The following SCO1 variants were observed in gnomAD, a reference collection of about 807,000 sequenced individuals.
SCO1 encodes the protein synthesis of cytochrome C oxidase 1.
SCO1 carries 23 observed loss-of-function variants against 34.0 expected under a neutral mutation model. The ratio of observed to expected loss-of-function variants is 0.68; its 90% CI spans 0.49 to 0.96. The LOEUF is 0.96. SCO1 is among the 40% of genes least tolerant of loss of function. SCO1 has a pLI of 0.00. For synonymous variants in SCO1, 161 were observed against 145.5 expected, an observed-to-expected ratio of 1.11 and a Z score of -0.77; for missense variants, 404 against 381.6, an observed-to-expected ratio of 1.06 and a Z score of -0.49.
chr17:10,679,525 T>C lies in SCO1; in HGVS notation c.*1594A>G, dbSNP rs924857905. On this transcript the variant is annotated 3_prime_UTR_variant, in exon 6 of 6. Coordinates refer to ENST00000255390, the MANE Select transcript of SCO1 (RefSeq NM_004589.4). ...CATGTGCGTGTAGAAACATATCATG[T>C]AAAAAGAATCTGTTGTCTATCTAGG... 7 of 152,224 alleles carry C rather than the reference T, an allele frequency of 4.6e-5. No individual in the cohort carries two copies. Among genetic ancestry groups the C allele is most frequent in the African/African-American group, 1.7e-4 (7 of 41,452 alleles). The allele number at this position is 152,224 out of a possible 1,614,324, so 9.4% of individuals were successfully genotyped here. A position where few individuals can be genotyped will look rare whatever the true frequency, so the allele number is the denominator to read the frequency against.
chr17:10,692,148 A>T (rs960538087), intron 3 of SCO1, among the ~76,000 whole-genome samples, 184 bp from the exon 4 acceptor site: 1 of 152,194 alleles, frequency 6.6e-6, no homozygotes. Flanking sequence ...GGCCTTTAGG[A>T]GGAGGAGACC....
At position 10,696,071 on chromosome 17, in the gene SCO1, T is replaced by TAAAAAAA. The variant is rs869243005; in HGVS notation, c.274-247_274-241dup. On this transcript the variant is annotated intron_variant, in intron 1 of 5. Transcript: ENST00000255390. ...CCTAAGTCAGTTCTCTTCATGTAAATAAAAAAAAAAAAAAAAAAAAAAAAA... is the reference window on the plus strand; with the variant it reads ...CCTAAGTCAGTTCTCTTCATGTAAATAAAAAAAAAAAAAAAAAAAAAAAAAAAAAAAA... Among the ~76,000 whole-genome samples, 35 of 73,024 alleles carry TAAAAAAA rather than the reference T, an allele frequency of 4.8e-4. 6 individuals carry two copies. Among genetic ancestry groups the TAAAAAAA allele is most frequent in the African/African-American group, 1.3e-3 (24 of 18,458 alleles). 47.9% of individuals were successfully genotyped at this position (73,024 alleles called of 152,430 possible).
At chr17:10,696,821 C>T (rs2520171) in intron 1 of SCO1, among the ~76,000 whole-genome samples, 6,779 of 152,198 alleles carry the variant, frequency 0.045, 502 homozygotes, top group African/African-American at 0.15. Context: ...TAACTAAGTT[C>T]CACTTTTTGT....
intron 2 of SCO1, among the ~76,000 whole-genome samples, chr17:10,694,572 A>G (rs1467022399): frequency 1.3e-5 from 2 of 152,226 alleles, no homozygotes; most frequent in African/African-American, 2.4e-5. Context: ...TAGGAAATAC[A>G]CCAAAAAGTG....
At chr17:10,687,220 A>G (rs2074662266) in intron 4 of SCO1, among the ~76,000 whole-genome samples, 1 of 152,196 alleles carries the variant, frequency 6.6e-6, no homozygotes, top group Non-Finnish European at 1.5e-5. Context: ...TGGGGAAAAA[A>G]ATTTGCTTCA....
In SCO1 at chr17:10,677,751, A is replaced by T. The variant is rs1336780703; in HGVS notation, c.*3368T>A. 6 of 152,320 alleles carry T rather than the reference A, an allele frequency of 3.9e-5. No individual in the cohort carries two copies. The highest frequency in any genetic ancestry group is 1.4e-4 in the African/African-American group (6 of 41,560). 9.4% of individuals were successfully genotyped at this position (152,320 alleles called of 1,614,324 possible). A position where few individuals can be genotyped will look rare whatever the true frequency, so the allele number is the denominator to read the frequency against. On this transcript the variant is annotated 3_prime_UTR_variant, in exon 6 of 6. Transcript: ENST00000255390. ...ACAAGTGGCATTTCTTAAAATATTAATTCTATTGAAGAGTCTAGTGAAAAC... is the reference window on the plus strand; with the variant it reads ...ACAAGTGGCATTTCTTAAAATATTATTTCTATTGAAGAGTCTAGTGAAAAC...
At position 10,678,807 on chromosome 17, in the gene SCO1, T is replaced by A. The variant is rs2151450253; in HGVS notation, c.*2312A>T. 6.6e-6 allele frequency: 1 copy of A among 152,256 alleles called. No individual in the cohort carries two copies. Among genetic ancestry groups the A allele is most frequent in the East Asian group, 1.9e-4 (1 of 5,168 alleles). The allele number at this position is 152,256 out of a possible 1,614,324, so 9.4% of individuals were successfully genotyped here. On this transcript the variant is annotated 3_prime_UTR_variant, in exon 6 of 6. Transcript: ENST00000255390. ...GTTTGGTGGCTAAAACAACAGACAT[T>A]TATTTCCTCACAGTTCTGGAGCTTG... is the stretch of plus-strand genomic sequence containing the variant.
intron 5 of SCO1, among the ~76,000 whole-genome samples, chr17:10,686,434 T>C (rs1394706016): frequency 6.6e-6 from 1 of 150,798 alleles, no homozygotes; most frequent in Non-Finnish European, 1.5e-5. Flanking sequence ...TATAAAAAAG[T>C]AGCCAGGTGT....
rs2074553429 is a variant in SCO1, at chr17:10,672,563, G to A, written c.*8556C>T. On this transcript the variant is annotated 3_prime_UTR_variant, in exon 6 of 6. Coordinates refer to ENST00000255390, the MANE Select transcript of SCO1 (RefSeq NM_004589.4). ...CAGTGAGTTTTCACAGATGTATGCA[G>A]TTGTGCAGCGACCACTACCAAGACA... The A allele has an allele frequency of 6.6e-6, 1 of 152,144 alleles. No homozygotes were observed. The highest frequency in any genetic ancestry group is 2.4e-5 in the African/African-American group (1 of 41,440). 9.4% of individuals were successfully genotyped at this position (152,144 alleles called of 1,614,324 possible).
chr17:10,683,305 G>A (rs2063268), intron 5 of SCO1, among the ~76,000 whole-genome samples: 6,053 of 151,988 alleles, frequency 0.04, 392 homozygotes, highest in African/African-American at 0.13. Context: ...ATTGTTCTAC[G>A]TTAGATTATA....
intron 3 of SCO1, 47 bp downstream of exon 3, chr17:10,692,717 A>C: frequency 6.7e-7 from 1 of 1,497,010 alleles, no homozygotes; most frequent in Non-Finnish European, 9.3e-7. Context: ...AAACCTGGTA[A>C]CATGAAGTAA....
Position 10,697,267 on chromosome 17 carries a change from G to A in SCO1, c.241C>T (p.Pro81Ser), listed in dbSNP as rs768305409. Residue 81 changes from proline to serine, a missense_variant, in exon 1 of 6, where the codon CCC (proline) becomes TCC (serine). Physicochemically the swap from Pro to Ser is moderately conservative, Grantham distance 74. Transcript: ENST00000255390. ...RPPPPWSQKG[P>S]GDSTRPSKPG... ...TTCGAGGGGCGCGTGGAGTCTCCGG[G>A]GCCCTTCTGCGACCACGGGGGTGGC... is the stretch of plus-strand genomic sequence containing the variant. 37 of 1,567,348 alleles carry A rather than the reference G, an allele frequency of 2.4e-5. 1 individual carries two copies. The South Asian group carries it at 4.3e-4, about 18-fold the overall frequency.
Position 10,676,360 on chromosome 17 carries a change from G to C in SCO1, c.*4759C>G, listed in dbSNP as rs1164609952. The C allele has an allele frequency of 1.3e-5, 2 of 152,200 alleles. No homozygotes were observed. The highest frequency in any genetic ancestry group is 1.3e-4 in the Admixed American group (2 of 15,266). The allele number at this position is 152,200 out of a possible 1,614,324, so 9.4% of individuals were successfully genotyped here. A position where few individuals can be genotyped will look rare whatever the true frequency, so the allele number is the denominator to read the frequency against. On this transcript the variant is annotated 3_prime_UTR_variant, in exon 6 of 6. Coordinates refer to ENST00000255390, the MANE Select transcript of SCO1 (RefSeq NM_004589.4). ...CCCGCCTTTGCTTCCCAAAGTACTG[G>C]GATTACAGGCATGAGCCACCGTGCC...
intron 4 of SCO1, among the ~76,000 whole-genome samples, chr17:10,688,367 C>T (rs1188097856): frequency 2.0e-5 from 3 of 152,152 alleles, no homozygotes; most frequent in Non-Finnish European, 2.9e-5. Context: ...AAAGGTAATA[C>T]AGATGGCAAA....
rs116224806 is a variant in SCO1, at chr17:10,675,288, C to T, written c.*5831G>A. On this transcript the variant is annotated 3_prime_UTR_variant, in exon 6 of 6. Transcript: ENST00000255390. ...CTGAAGCTTGCTGACACTTTCTCCA[C>T]GCTGTCTTCTTTCAGGCCTTCTCTC... 4.7e-3 allele frequency: 721 copies of T among 152,772 alleles called. 2 individuals are homozygous for T. The highest frequency in any genetic ancestry group is 0.012 in the African/African-American group (496 of 41,570). The allele number at this position is 152,772 out of a possible 1,614,324, so 9.5% of individuals were successfully genotyped here.
chr17:10,693,806 A>G (rs907406108), intron 2 of SCO1, among the ~76,000 whole-genome samples: 4 of 152,262 alleles, frequency 2.6e-5, no homozygotes, highest in Non-Finnish European at 5.9e-5. Flanking sequence ...TCAAAGACAC[A>G]GAAGCCTGCT....
chr17:10,692,868 T>C lies in SCO1; in HGVS notation c.458A>G (p.Lys153Arg), dbSNP rs956384399. 8.7e-6 allele frequency: 14 copies of C among 1,614,008 alleles called. No individual in the cohort carries two copies. The highest frequency in any genetic ancestry group is 1.0e-5 in the Non-Finnish European group (12 of 1,179,972). The change falls in exon 3 of 6, where the codon AAG becomes AGG. Residue 153 changes from lysine (K) to arginine (R), a missense_variant. By Grantham distance (26) the Lys-to-Arg change is conservative. Transcript: ENST00000255390. Reference sequence around the variant, plus strand: ...CAATAACCACTGACCCAAGTAGTCCTTGTCAGTTTTACGCTCCCCAGTATG... The same window carrying C: ...CAATAACCACTGACCCAAGTAGTCCCTGTCAGTTTTACGCTCCCCAGTATG... ...TTHTGERKTD[K>R]DYLGQWLLIY...
intron 4 of SCO1, 35 bp downstream of exon 4, chr17:10,691,837 G>T: frequency 7.2e-7 from 1 of 1,395,806 alleles, no homozygotes; most frequent in Non-Finnish European, 1.0e-6. Flanking sequence ...AAACTTTAAG[G>T]CTAAATAAAT....
Position 10,695,765 on chromosome 17 carries a change from G to T in SCO1, c.340C>A (p.His114Asn). ...IGGALLAGMK[H>N]VKKEKAEKLE... The stretch of plus-strand genomic sequence containing the variant: ...CTCTCTGCCTTTTCTTTCTTGACGT[G>T]CTTCATTCCAGCCAGTAAAGCTCCT... Residue 114 changes from histidine (H) to asparagine (N), a missense_variant, in exon 2 of 6, where the codon CAC (histidine) becomes AAC (asparagine). Coordinates refer to ENST00000255390, the MANE Select transcript of SCO1 (RefSeq NM_004589.4). 6.2e-7 allele frequency: 1 copy of T among 1,612,956 alleles called. No individual in the cohort carries two copies. Among genetic ancestry groups the T allele is most frequent in the Non-Finnish European group, 8.5e-7 (1 of 1,179,234 alleles).
Sources: gnomAD v4.1 joint callset for allele counts (sites outside exome capture counted in the v4.1 genomes callset) on GRCh38, gnomAD v4.1.1 for gene constraint, MANE v1.5 for transcripts, NCBI Gene and HGNC (gene_info 2026-07-23, HGNC 2026-07-21) for gene names.